The following BCKDHB variants were observed in gnomAD, a reference collection of about 807,000 sequenced individuals.
BCKDHB encodes branched chain keto acid dehydrogenase E1 subunit beta.
BCKDHB carries 41 observed loss-of-function variants against 48.5 expected under a neutral mutation model. The observed-to-expected ratio is 0.85, with a 90% CI of 0.66 to 1.10. The LOEUF is 1.10. Ranked by LOEUF, BCKDHB falls within the 50% of genes least tolerant of loss-of-function variation. The pLI is 0.00. For synonymous variants in BCKDHB, 201 were observed against 174.8 expected (o/e 1.15, Z -1.18); for missense variants, 496 against 494.2 (o/e 1.00, Z -0.03).
chr6:80,229,303 A>G (rs756322299), intron 8 of BCKDHB, among the ~76,000 whole-genome samples: 1 of 152,244 alleles, frequency 6.6e-6, no homozygotes, highest in Non-Finnish European at 1.5e-5. Context: ...AAGGGCTATG[A>G]TAGATGGTTA....
chr6:80,411,956 G>C, the BCKDHB span, among the ~76,000 whole-genome samples: 1 of 152,160 alleles, frequency 6.6e-6, no homozygotes, highest in Non-Finnish European at 1.5e-5. Context: ...AGCCTCTGTG[G>C]GCTGCACCCA....
In BCKDHB at chr6:80,302,983, T is replaced by C. The variant is rs1346712434; in HGVS notation, c.1038+29762T>C. 7.9e-5 allele frequency among the ~76,000 whole-genome samples: 12 copies of C among 152,018 alleles called. No individual in the cohort carries two copies. In the South Asian group the frequency reaches 2.1e-3, roughly 26 times the overall value. On this transcript the variant is annotated intron_variant, in intron 9 of 9. Coordinates refer to ENST00000320393, the MANE Select transcript of BCKDHB (RefSeq NM_183050.4). ...GTTAGTGTTAGCTTAAGTGGGATAA[T>C]GATGCTTAAAAAAAGAGCAGAATTT...
chr6:80,201,795 CCTT>C (rs1270165785), intron 7 of BCKDHB, among the ~76,000 whole-genome samples: 5 of 152,098 alleles, frequency 3.3e-5, no homozygotes, highest in African/African-American at 4.8e-5. Flanking sequence ...TTTTCTCTCT[CCTT>C]CTTTTACAGA....
the BCKDHB span, among the ~76,000 whole-genome samples, chr6:80,361,830 G>C: frequency 6.6e-6 from 1 of 152,188 alleles, no homozygotes; most frequent in Non-Finnish European, 1.5e-5. Flanking sequence ...TTTGCACACA[G>C]AGGACACATT....
chr6:80,273,322 T>C, intron 9 of BCKDHB, 101 bp downstream of exon 9: 2 of 1,045,474 alleles, frequency 1.9e-6, no homozygotes, highest in Non-Finnish European at 1.5e-6. Flanking sequence ...AGCATACACT[T>C]TATGGAAATG....
At chr6:80,189,018 T>C (rs1026323885) in intron 6 of BCKDHB, among the ~76,000 whole-genome samples, 3 of 152,216 alleles carry the variant, frequency 2.0e-5, no homozygotes, top group African/African-American at 7.2e-5. Flanking sequence ...GAGTGTATTT[T>C]ATCATTTTAA....
At chr6:80,123,430 A>C (rs1433947766) in intron 1 of BCKDHB, among the ~76,000 whole-genome samples, 1 of 152,142 alleles carries the variant, frequency 6.6e-6, no homozygotes, top group Non-Finnish European at 1.5e-5. Context: ...CAGTCCCTCC[A>C]TTTGGGATCC....
At chr6:80,247,562 A>T (rs568626446) in intron 8 of BCKDHB, among the ~76,000 whole-genome samples, 4 of 152,330 alleles carry the variant, frequency 2.6e-5, no homozygotes, top group Non-Finnish European at 5.9e-5. Flanking sequence ...CCTCTTGTTC[A>T]CTTGGATGTC....
At chr6:80,351,354 A>C in the BCKDHB span, among the ~76,000 whole-genome samples, 2 of 152,212 alleles carry the variant, frequency 1.3e-5, no homozygotes, top group Non-Finnish European at 2.9e-5. Flanking sequence ...ATACTCATTC[A>C]AAACTCAGTT....
chr6:80,279,543 T>C (rs1778113021), intron 9 of BCKDHB, among the ~76,000 whole-genome samples: 2 of 151,982 alleles, frequency 1.3e-5, no homozygotes, highest in Admixed American at 6.6e-5. Flanking sequence ...TCAAATTTCG[T>C]CCATTGTCTG....
chr6:80,204,644 T>A (rs1161077329), intron 8 of BCKDHB, among the ~76,000 whole-genome samples: 4 of 152,132 alleles, frequency 2.6e-5, no homozygotes, highest in African/African-American at 9.6e-5. Context: ...CAAGCACTTT[T>A]AGAACTTTAT....
At chr6:80,160,635 A>G (rs1217670479) in intron 3 of BCKDHB, among the ~76,000 whole-genome samples, 1 of 152,228 alleles carries the variant, frequency 6.6e-6, no homozygotes, top group Non-Finnish European at 1.5e-5. Flanking sequence ...GTAATGGACA[A>G]TATCTTTAAC....
intron 9 of BCKDHB, among the ~76,000 whole-genome samples, chr6:80,286,312 T>C (rs73748779): frequency 0.062 from 9,401 of 152,298 alleles, 978 homozygotes; most frequent in African/African-American, 0.21. Context: ...ACAAATGTCT[T>C]ATTTTGAAAT....
intron 6 of BCKDHB, among the ~76,000 whole-genome samples, chr6:80,179,046 A>G (rs527849242): frequency 9.2e-5 from 14 of 152,240 alleles, no homozygotes; most frequent in Admixed American, 3.3e-4. Context: ...TTTTCGAGAC[A>G]GGGTCTCCCT....
intron 8 of BCKDHB, among the ~76,000 whole-genome samples, chr6:80,226,311 A>G (rs570032341): frequency 6.6e-6 from 1 of 152,338 alleles, no homozygotes; most frequent in East Asian, 1.9e-4. Flanking sequence ...CAAGGAAAGG[A>G]TGTTAAAAAA....
At chr6:80,182,515 T>A (rs1487149235) in intron 6 of BCKDHB, among the ~76,000 whole-genome samples, 1 of 152,172 alleles carries the variant, frequency 6.6e-6, no homozygotes, top group East Asian at 1.9e-4. Context: ...GAATAAAATT[T>A]TAATACCATG....
At chr6:80,167,422 A>G (rs1022709413) in intron 3 of BCKDHB, among the ~76,000 whole-genome samples, 1 of 151,674 alleles carries the variant, frequency 6.6e-6, no homozygotes. Context: ...ATTTTTTTTT[A>G]ATAGAGACAG....
At chr6:80,161,895 T>G (rs1772335797) in intron 3 of BCKDHB, among the ~76,000 whole-genome samples, 1 of 152,220 alleles carries the variant, frequency 6.6e-6, no homozygotes, top group African/African-American at 2.4e-5. Flanking sequence ...ACCTTATTGA[T>G]TCTTAAAAGC....
the BCKDHB span, among the ~76,000 whole-genome samples, chr6:80,436,385 A>G: frequency 1.3e-5 from 2 of 151,802 alleles, no homozygotes; most frequent in Non-Finnish European, 2.9e-5. Context: ...GATGGTCTCC[A>G]TCTCCTGACC....
Sources: gnomAD v4.1 joint callset for allele counts (sites outside exome capture counted in the v4.1 genomes callset) on GRCh38, gnomAD v4.1.1 for gene constraint, MANE v1.5 for transcripts, NCBI Gene and HGNC (gene_info 2026-07-23, HGNC 2026-07-21) for gene names.